Variants in SLC35F4 observed in about 807,000 individuals in gnomAD.
SLC35F4 encodes the protein chromosome 14 open reading frame 36.
SLC35F4 carries 24 observed loss-of-function variants against 44.2 expected under a neutral mutation model. The observed-to-expected ratio is 0.54, with a 90% confidence interval of 0.39 to 0.76. The LOEUF (loss-of-function observed/expected upper bound fraction) is 0.76, where lower values mean the gene tolerates loss of function less well. Ranked by LOEUF, SLC35F4 falls within the 30% of genes least tolerant of loss-of-function variation. SLC35F4 has a pLI of 0.00. For synonymous variants in SLC35F4, 238 were observed against 223.6 expected (o/e 1.06, Z -0.57); for missense variants, 562 against 586.1 (o/e 0.96, Z 0.42).
At chr14:57,868,890 TAAAGA>T (rs1035547964), upstream of SLC35F4, among the ~76,000 whole-genome samples, 6 of 152,300 alleles carry the variant, frequency 3.9e-5, no homozygotes, top group South Asian at 4.1e-4. Flanking sequence ...TCTGAAAGAA[TAAAGA>T]AAAGACACAA....
chr14:57,703,859 T>A (rs1942159676), intron 1 of SLC35F4, among the ~76,000 whole-genome samples: 1 of 152,156 alleles, frequency 6.6e-6, no homozygotes, highest in African/African-American at 2.4e-5. Flanking sequence ...AACAAGTGCC[T>A]TAAAGGGCGT....
At chr14:57,905,328 G>C (rs549036272) in intron 1 of SLC35F4, among the ~76,000 whole-genome samples, 1 of 152,338 alleles carries the variant, frequency 6.6e-6, no homozygotes, top group Non-Finnish European at 1.5e-5. Context: ...CAAGGGTGAA[G>C]CTGCAATGTC....
intron 1 of SLC35F4, among the ~76,000 whole-genome samples, chr14:57,816,794 G>A (rs1002668298): frequency 6.6e-6 from 1 of 152,224 alleles, no homozygotes; most frequent in South Asian, 2.1e-4. Flanking sequence ...TCCTTTGAGT[G>A]CATGACTTGA....
intron 1 of SLC35F4, among the ~76,000 whole-genome samples, chr14:57,786,897 G>A (rs1426650569): frequency 6.6e-6 from 1 of 152,066 alleles, no homozygotes; most frequent in Admixed American, 6.6e-5. Context: ...AGCAGCAATG[G>A]ACCCAAACCA....
chr14:57,672,044 G>C (rs549409857), intron 1 of SLC35F4, among the ~76,000 whole-genome samples: 2 of 152,166 alleles, frequency 1.3e-5, no homozygotes, highest in African/African-American at 4.8e-5. Context: ...AGAGAAAAGA[G>C]AAATAAAAAC....
chr14:57,746,601 T>C (rs1273686763), intron 1 of SLC35F4, among the ~76,000 whole-genome samples: 1 of 152,020 alleles, frequency 6.6e-6, no homozygotes, highest in Non-Finnish European at 1.5e-5. Context: ...AGTATGTAAT[T>C]GTTTTTTCTT....
chr14:57,943,556 C>G (rs11851012), intron 1 of SLC35F4, among the ~76,000 whole-genome samples: 1 of 152,144 alleles, frequency 6.6e-6, no homozygotes, highest in Non-Finnish European at 1.5e-5. Context: ...ACAACGCACA[C>G]GCCAGTGAGT....
At chr14:57,633,425 T>C (rs933523871) in intron 1 of SLC35F4, among the ~76,000 whole-genome samples, 8 of 152,176 alleles carry the variant, frequency 5.3e-5, no homozygotes, top group Non-Finnish European at 1.0e-4. Flanking sequence ...TTGGCCATTC[T>C]AATAGATAAG....
At chr14:57,652,090 G>A (rs1362759087) in intron 1 of SLC35F4, among the ~76,000 whole-genome samples, 1 of 152,192 alleles carries the variant, frequency 6.6e-6, no homozygotes, top group Non-Finnish European at 1.5e-5. Flanking sequence ...AGGCAGTCAG[G>A]AGTCTCAGCC....
At chr14:57,937,656 A>T (rs1889839567) in intron 1 of SLC35F4, among the ~76,000 whole-genome samples, 1 of 139,214 alleles carries the variant, frequency 7.2e-6, no homozygotes, top group Admixed American at 7.0e-5. Context: ...AAAAGAAAAA[A>T]GAAAAGAAAA....
intron 1 of SLC35F4, among the ~76,000 whole-genome samples, chr14:57,899,456 G>A (rs1160804249): frequency 6.6e-6 from 1 of 152,202 alleles, no homozygotes; most frequent in Non-Finnish European, 1.5e-5. Context: ...TCACAGAGAA[G>A]CTGTGAGGAA....
At chr14:57,884,774 C>A (rs1345110715) in intron 1 of SLC35F4, among the ~76,000 whole-genome samples, 2 of 151,998 alleles carry the variant, frequency 1.3e-5, no homozygotes, top group African/African-American at 4.8e-5. Flanking sequence ...GCTATTATGA[C>A]TATTATAAAA....
intron 1 of SLC35F4, among the ~76,000 whole-genome samples, chr14:57,797,300 A>T (rs1447119164): frequency 6.6e-6 from 1 of 152,178 alleles, no homozygotes; most frequent in Non-Finnish European, 1.5e-5. Context: ...CAGGTAATTT[A>T]TGATTCTGTT....
chr14:57,614,227 A>G (rs2071677594), intron 1 of SLC35F4, among the ~76,000 whole-genome samples: 1 of 152,244 alleles, frequency 6.6e-6, no homozygotes. Flanking sequence ...TTGAATAAAA[A>G]TGGTTTCATA....
At chr14:57,658,360 C>T (rs2074033499) in intron 1 of SLC35F4, among the ~76,000 whole-genome samples, 1 of 152,138 alleles carries the variant, frequency 6.6e-6, no homozygotes, top group Admixed American at 6.6e-5. Context: ...ATTTTAAGTG[C>T]TTCCTTATCA....
chr14:57,742,540 T>G (rs1009960662), intron 1 of SLC35F4, among the ~76,000 whole-genome samples: 4 of 152,150 alleles, frequency 2.6e-5, no homozygotes, highest in African/African-American at 9.7e-5. Flanking sequence ...TAAATATATA[T>G]GCACCAATAC....
At chr14:57,697,940 A>T (rs1393534821) in intron 1 of SLC35F4, among the ~76,000 whole-genome samples, 2 of 152,184 alleles carry the variant, frequency 1.3e-5, no homozygotes, top group Admixed American at 6.5e-5. Context: ...TGCTTAAGAC[A>T]TGAGGTCTGA....
At chr14:57,891,039 G>A (rs1888752232) in intron 1 of SLC35F4, among the ~76,000 whole-genome samples, 1 of 152,094 alleles carries the variant, frequency 6.6e-6, no homozygotes, top group African/African-American at 2.4e-5. Context: ...GAAAAGTAAG[G>A]GATATGAGAG....
At chr14:57,977,605 A>G (rs1881256924) in intron 1 of SLC35F4, among the ~76,000 whole-genome samples, 1 of 152,192 alleles carries the variant, frequency 6.6e-6, no homozygotes, top group Non-Finnish European at 1.5e-5. Context: ...TACATTCAGG[A>G]TCAAACTCAA....
Sources: gnomAD v4.1 joint callset for allele counts (sites outside exome capture counted in the v4.1 genomes callset) on GRCh38, gnomAD v4.1.1 for gene constraint, MANE v1.5 for transcripts, NCBI Gene and HGNC (gene_info 2026-07-23, HGNC 2026-07-21) for gene names.